The following PRDM11 variants were observed in gnomAD, a reference collection of about 807,000 sequenced individuals.
PRDM11 encodes the protein PR/SET domain 11.
In PRDM11, 20 loss-of-function variants were observed where a neutral mutation model predicts 97.8. The observed-to-expected ratio is 0.20, with a 90% CI of 0.14 to 0.30. The LOEUF is 0.30. Among genes scored for constraint, PRDM11 ranks in the 10% least tolerant of loss-of-function variants. PRDM11 has a pLI of 1.00. For synonymous variants in PRDM11, 599 were observed against 637.7 expected, an observed-to-expected ratio of 0.94 and a Z score of 0.91; for missense variants, 1,139 against 1,555.2, an observed-to-expected ratio of 0.73 and a Z score of 4.50.
rs188694879 is a variant in PRDM11, at chr11:45,234,872, G to C, written c.*6713G>C. Reference sequence around the variant, plus strand: ...AAAGGAAAAATAAGTGGGGATGGGGGGAAATACCTAGGAGTCTATTATCAC... The same window carrying C: ...AAAGGAAAAATAAGTGGGGATGGGGCGAAATACCTAGGAGTCTATTATCAC... On this transcript the variant is annotated 3_prime_UTR_variant, in exon 8 of 8. Coordinates refer to ENST00000683152, the MANE Select transcript of PRDM11 (RefSeq NM_001384648.1). 3.3e-5 allele frequency: 5 copies of C among 152,188 alleles called. No homozygotes were observed. The highest frequency in any genetic ancestry group is 2.0e-4 in the Admixed American group (3 of 15,288). 9.4% of individuals were successfully genotyped at this position (152,188 alleles called of 1,614,324 possible). A position where few individuals can be genotyped will look rare whatever the true frequency, so the allele number is the denominator to read the frequency against.
chr11:45,159,812 A>T (rs1291150793), intron 1 of PRDM11, among the ~76,000 whole-genome samples: 1 of 152,146 alleles, frequency 6.6e-6, no homozygotes, highest in Non-Finnish European at 1.5e-5. Context: ...AACTGTTGAC[A>T]CCAGTGTCAG....
At chr11:45,187,828 G>A (rs1403230032) in intron 4 of PRDM11, among the ~76,000 whole-genome samples, 1 of 151,252 alleles carries the variant, frequency 6.6e-6, no homozygotes, top group Non-Finnish European at 1.5e-5. Flanking sequence ...GTGTGTGTGT[G>A]TGTGTATGTG....
At chr11:45,108,302 G>T (rs978240092) in intron 1 of PRDM11, among the ~76,000 whole-genome samples, 1 of 152,164 alleles carries the variant, frequency 6.6e-6, no homozygotes, top group Non-Finnish European at 1.5e-5. Context: ...TCTTACGTGG[G>T]ATCCCCGTGT....
chr11:45,146,044 G>A (rs1851500323), upstream of PRDM11, among the ~76,000 whole-genome samples: 3 of 152,192 alleles, frequency 2.0e-5, no homozygotes, highest in South Asian at 4.1e-4. Context: ...TTGACTTGAA[G>A]AACATGTGCG....
rs527423079 is a variant in PRDM11, at chr11:45,196,006, G to A, written c.487-8705G>A. ...AACATTTGTGTACAAGTTTCCATGC[G>A]GACACGTGTTTTTATTTCTTTCGGG... On this transcript the variant is annotated intron_variant, in intron 4 of 7. Transcript: ENST00000683152. Among the ~76,000 whole-genome samples the A allele has an allele frequency of 5.3e-5, 8 of 152,114 alleles. No individual in the cohort carries two copies. The East Asian group carries it at 1.2e-3, about 22-fold the overall frequency.
At chr11:45,138,734 T>A (rs554198346) in intron 1 of PRDM11, among the ~76,000 whole-genome samples, 142 of 152,252 alleles carry the variant, frequency 9.3e-4, no homozygotes, top group Middle Eastern at 6.8e-3. Flanking sequence ...TGTCAGATAT[T>A]TAAACAAACA....
chr11:45,212,333 G>A, intron 5 of PRDM11: 1 of 326,200 alleles, frequency 3.1e-6, no homozygotes, highest in South Asian at 2.4e-5. Context: ...TTTCTCTATG[G>A]GCGGGGGCCA....
chr11:45,190,187 C>T (rs1054167523), intron 4 of PRDM11, among the ~76,000 whole-genome samples: 2 of 151,700 alleles, frequency 1.3e-5, no homozygotes, highest in Non-Finnish European at 2.9e-5. Flanking sequence ...CACTCTATCA[C>T]CCAGGCTGGA....
intron 1 of PRDM11, among the ~76,000 whole-genome samples, chr11:45,126,816 T>C (rs1852586107): frequency 6.6e-6 from 1 of 152,196 alleles, no homozygotes; most frequent in African/African-American, 2.4e-5. Context: ...TTATGTGTCT[T>C]GGAGTTGCTC....
chr11:45,220,185 A>G (rs1476067656), intron 6 of PRDM11, among the ~76,000 whole-genome samples: 1 of 152,166 alleles, frequency 6.6e-6, no homozygotes, highest in Non-Finnish European at 1.5e-5. Flanking sequence ...CCACTCTACC[A>G]CCGTCAGAGG....
At chr11:45,169,070 C>G (rs542995627) in intron 1 of PRDM11, among the ~76,000 whole-genome samples, 3 of 152,110 alleles carry the variant, frequency 2.0e-5, no homozygotes, top group African/African-American at 7.2e-5. Context: ...TGCCTCACCC[C>G]GAATCACTGA....
chr11:45,139,831 A>C (rs1852961337), intron 1 of PRDM11, among the ~76,000 whole-genome samples: 1 of 152,174 alleles, frequency 6.6e-6, no homozygotes, highest in African/African-American at 2.4e-5. Context: ...TGTCTCACTC[A>C]TCTTAGTGGC....
intron 1 of PRDM11, among the ~76,000 whole-genome samples, chr11:45,128,433 T>C (rs1037225787): frequency 2.4e-4 from 36 of 152,182 alleles, no homozygotes; most frequent in African/African-American, 8.2e-4. Flanking sequence ...ACCCATCTTC[T>C]GCGTCGCTCA....
chr11:45,127,991 G>A (rs1296851790), intron 1 of PRDM11, among the ~76,000 whole-genome samples: 1 of 152,242 alleles, frequency 6.6e-6, no homozygotes, highest in African/African-American at 2.4e-5. Context: ...GCTGTGGTGG[G>A]CTCCACCCAC....
rs568551044 is a variant in PRDM11, at chr11:45,228,513, C to T, written c.*354C>T. On this transcript the variant is annotated 3_prime_UTR_variant, in exon 8 of 8. Coordinates refer to ENST00000683152, the MANE Select transcript of PRDM11 (RefSeq NM_001384648.1). Reference sequence around the variant, plus strand: ...CTAAAATGACAGGTCTCTGTCATCACCTTTAGGTAGCTCATTTTGTTTATG... The same window carrying T: ...CTAAAATGACAGGTCTCTGTCATCATCTTTAGGTAGCTCATTTTGTTTATG... 6.6e-6 allele frequency: 1 copy of T among 152,154 alleles called. No individual in the cohort carries two copies. Among genetic ancestry groups the T allele is most frequent in the South Asian group, 2.1e-4 (1 of 4,814 alleles). The allele number at this position is 152,154 out of a possible 1,614,324, so 9.4% of individuals were successfully genotyped here.
At chr11:45,156,504 C>T (rs1258055300) in intron 1 of PRDM11, among the ~76,000 whole-genome samples, 1 of 152,212 alleles carries the variant, frequency 6.6e-6, no homozygotes, top group African/African-American at 2.4e-5. Flanking sequence ...CTGAGCTGTG[C>T]TGGATGGGTG....
At chr11:45,100,240 C>T (rs754001430) in intron 1 of PRDM11, among the ~76,000 whole-genome samples, 6 of 152,102 alleles carry the variant, frequency 3.9e-5, no homozygotes, top group African/African-American at 7.2e-5. Context: ...CATACTGATT[C>T]GCTAATTGTC....
rs367647443 is a variant in PRDM11, at chr11:45,111,696, C to T, written c.96+15795C>T. Among the ~76,000 whole-genome samples the T allele has an allele frequency of 1.2e-4, 18 of 152,246 alleles. No individual in the cohort carries two copies. In the East Asian group the frequency reaches 1.9e-3, roughly 16 times the overall value. On this transcript the variant is annotated intron_variant, in intron 1 of 6. Transcript: ENST00000530656. Reference sequence around the variant, plus strand: ...AATAACCACATGCACTCGAACCCTCCGGGCTCTGTCGATTTGAAAGGTTTT... The same window carrying T: ...AATAACCACATGCACTCGAACCCTCTGGGCTCTGTCGATTTGAAAGGTTTT...
At chr11:45,161,355 C>T (rs1434939360) in intron 1 of PRDM11, among the ~76,000 whole-genome samples, 3 of 152,316 alleles carry the variant, frequency 2.0e-5, no homozygotes, top group African/African-American at 7.2e-5. Context: ...TCCCGCTGTC[C>T]GCTAACATCC....
Sources: gnomAD v4.1 joint callset for allele counts (sites outside exome capture counted in the v4.1 genomes callset) on GRCh38, gnomAD v4.1.1 for gene constraint, MANE v1.5 for transcripts, NCBI Gene and HGNC (gene_info 2026-07-23, HGNC 2026-07-21) for gene names.